The following VPS37B variants were observed in gnomAD, a reference collection of about 807,000 sequenced individuals.
The protein encoded by VPS37B is vacuolar protein sorting-associated protein 37B.
In VPS37B, 11 loss-of-function variants were observed where a neutral mutation model predicts 21.2. That is an observed-to-expected ratio of 0.52 (90% CI 0.33 to 0.86). The LOEUF (loss-of-function observed/expected upper bound fraction) is 0.86. Among genes scored for constraint, VPS37B ranks in the 40% least tolerant of loss-of-function variants. VPS37B has a pLI of 0.03. For missense variants in VPS37B, 389 were observed against 374.8 expected (o/e 1.04, Z -0.31); for synonymous variants, 175 against 159.6 (o/e 1.10, Z -0.73).
chr12:122,871,349 G>C, intron 1 of VPS37B: 2 of 1,134,986 alleles, frequency 1.8e-6, no homozygotes, highest in Non-Finnish European at 2.2e-6. Context: ...CGGCTGCGCT[G>C]TGACTTGAAT....
intron 1 of VPS37B, chr12:122,879,681 C>G (rs1396442445): frequency 1.3e-5 from 2 of 152,274 alleles, no homozygotes; most frequent in Non-Finnish European, 2.9e-5. Context: ...TACCCCATGA[C>G]ACAAAATGAC....
intron 1 of VPS37B, chr12:122,882,428 C>T (rs903321909): frequency 6.6e-6 from 1 of 152,140 alleles, no homozygotes. Flanking sequence ...AATACTAGTT[C>T]CTTTTGGTGG....
At chr12:122,890,714 G>C (rs2034399994) in intron 1 of VPS37B, among the ~76,000 whole-genome samples, 2 of 152,132 alleles carry the variant, frequency 1.3e-5, no homozygotes, top group Non-Finnish European at 2.9e-5. Flanking sequence ...GAGAACAGTT[G>C]ACAGTTCAGT....
chr12:122,892,293 C>A (rs1461380348), intron 1 of VPS37B, among the ~76,000 whole-genome samples: 2 of 152,156 alleles, frequency 1.3e-5, no homozygotes, highest in East Asian at 3.9e-4. Flanking sequence ...AAATGAGGAC[C>A]GTAGCTCCGA....
In VPS37B at chr12:122,867,348, G is replaced by A. The variant is rs774226459; in HGVS notation, c.626C>T (p.Pro209Leu). 5 of 1,599,174 alleles carry A rather than the reference G, an allele frequency of 3.1e-6. No homozygotes were observed. Among genetic ancestry groups the A allele is most frequent in the East Asian group, 2.2e-5 (1 of 44,484 alleles). ...PPAVAPRRIP[P>L]PPPPVPAGRL... Reference sequence around the variant, plus strand: ...TCCCGCAGGCACCGGGGGTGGTGGGGGGGGGATGCGCCGAGGTGCAACGGC... The same window carrying A: ...TCCCGCAGGCACCGGGGGTGGTGGGAGGGGGATGCGCCGAGGTGCAACGGC... Residue 209 changes from proline (P) to leucine (L), a missense_variant, in exon 4 of 4, where the codon CCC becomes CTC. Transcript: ENST00000267202. This position sits in a 1 kb window ranked among gnomAD's most constrained non-coding sequence, Gnocchi z 5.5.
chr12:122,879,029 T>A (rs1283375501), intron 1 of VPS37B: 1 of 152,250 alleles, frequency 6.6e-6, no homozygotes, highest in African/African-American at 2.4e-5. Flanking sequence ...GGCAGCATGA[T>A]GTGGTCACAA....
In VPS37B at chr12:122,867,300, G is replaced by T; in HGVS notation, c.674C>A (p.Ala225Glu). 2 of 1,469,400 alleles carry T rather than the reference G, an allele frequency of 1.4e-6. No individual in the cohort carries two copies. The highest frequency in any genetic ancestry group is 2.9e-5 in the East Asian group (1 of 34,226). 91.0% of individuals were successfully genotyped at this position (1,469,400 alleles called of 1,614,324 possible). ...CACGGCCTGTCCCGAACTCATGGCC[G>T]CAGTAAACGGGGTGGCTAAGCGTCC... ...PAGRLATPFT[A>E]AMSSGQAVPY... Residue 225 changes from alanine to glutamate, a missense_variant, in exon 4 of 4, where the codon GCG becomes GAG. By Grantham distance (107) the Ala-to-Glu change is moderately radical (BLOSUM62 -1). Transcript: ENST00000267202. The surrounding 1 kb of genome is among the most constrained non-coding windows in gnomAD (Gnocchi z 5.5).
At position 122,896,099 on chromosome 12, in the gene VPS37B, G is replaced by C. The variant is rs1411917110; in HGVS notation, c.-37C>G. The C allele has an allele frequency of 2.6e-6, 4 of 1,525,254 alleles. No individual in the cohort carries two copies. The African/African-American group carries it at 4.3e-5, about 16-fold the overall frequency. The allele number at this position is 1,525,254 out of a possible 1,614,324, so 94.5% of individuals were successfully genotyped here. A position where few individuals can be genotyped will look rare whatever the true frequency, so the allele number is the denominator to read the frequency against. ...GGCCGTCGTCGCCACCGCCGCTGCG[G>C]CCACCAGGCTCCGCCGACCGGAAGC... On this transcript the variant is annotated 5_prime_UTR_variant, in exon 1 of 4. Coordinates refer to ENST00000267202, the MANE Select transcript of VPS37B (RefSeq NM_024667.3).
Position 122,896,092 on chromosome 12 carries a change from C to A in VPS37B, c.-30G>T. The A allele has an allele frequency of 6.5e-7, 1 of 1,542,158 alleles. No homozygotes were observed. ...ACGTCTCGGCCGTCGTCGCCACCGC[C>A]GCTGCGGCCACCAGGCTCCGCCGAC... On this transcript the variant is annotated 5_prime_UTR_variant, in exon 1 of 4. Transcript: ENST00000267202.
intron 1 of VPS37B, chr12:122,884,868 A>T (rs1486112681): frequency 1.3e-5 from 2 of 152,206 alleles, no homozygotes; most frequent in Non-Finnish European, 2.9e-5. Context: ...ACCAGTCTTT[A>T]CACAGGTGCA....
chr12:122,889,620 G>GTTA (rs2034383529), intron 1 of VPS37B: 1 of 151,966 alleles, frequency 6.6e-6, no homozygotes, highest in Non-Finnish European at 1.5e-5. Context: ...TACTTGGGAG[G>GTTA]CTGAGGCAGG....
At chr12:122,883,003 A>G (rs1433295604) in intron 1 of VPS37B, 1 of 152,252 alleles carries the variant, frequency 6.6e-6, no homozygotes, top group East Asian at 1.9e-4. Context: ...GCAAATACAG[A>G]AATATAGTTA....
intron 1 of VPS37B, chr12:122,877,184 G>A (rs117275454): frequency 6.6e-6 from 1 of 152,102 alleles, no homozygotes; most frequent in Admixed American, 6.5e-5. Context: ...GACTGAATTC[G>A]TTTAGCAAAC....
chr12:122,895,216 A>G (rs2034473068), intron 1 of VPS37B, among the ~76,000 whole-genome samples: 1 of 151,818 alleles, frequency 6.6e-6, no homozygotes, highest in Non-Finnish European at 1.5e-5. Flanking sequence ...CCCAACCCTT[A>G]AAGAGCCTCA....
At chr12:122,885,866 G>A (rs1282422304) in intron 1 of VPS37B, 1 of 150,344 alleles carries the variant, frequency 6.7e-6, no homozygotes, top group Non-Finnish European at 1.5e-5. Flanking sequence ...TGTATTTTTA[G>A]TAGAGACGGG....
In VPS37B at chr12:122,867,211, A is replaced by G. The variant is rs1308888259; in HGVS notation, c.763T>C (p.Phe255Leu). Residue 255 changes from phenylalanine (F) to leucine (L), a missense_variant, in exon 4 of 4, where the codon TTC becomes CTC. Transcript: ENST00000267202. This position sits in a 1 kb window ranked among gnomAD's most constrained non-coding sequence, Gnocchi z 5.5. Reference sequence around the variant, plus strand: ...TATGGGGACACGAACTGCGAAGAGAATCCTTGCTGAGTGGGGAGGCCCACG... The same window carrying G: ...TATGGGGACACGAACTGCGAAGAGAGTCCTTGCTGAGTGGGGAGGCCCACG... ...PRVGLPTQQG[F>L]SSQFVSPYPP... The G allele has an allele frequency of 6.3e-7, 1 of 1,575,078 alleles. No homozygotes were observed. Among genetic ancestry groups the G allele is most frequent in the African/African-American group, 1.4e-5 (1 of 73,752 alleles).
chr12:122,885,056 A>T (rs2034301421), intron 1 of VPS37B: 1 of 152,166 alleles, frequency 6.6e-6, no homozygotes, highest in East Asian at 1.9e-4. Context: ...CTCATCTTCT[A>T]TTCCGTTTAA....
intron 1 of VPS37B, chr12:122,877,480 C>T (rs2034172034): frequency 6.6e-6 from 1 of 152,270 alleles, no homozygotes; most frequent in Non-Finnish European, 1.5e-5. Flanking sequence ...CTCCTGAGCT[C>T]AAGCGATCCT....
chr12:122,871,726 C>A, intron 1 of VPS37B: 1 of 980,564 alleles, frequency 1.0e-6, no homozygotes, highest in Middle Eastern at 5.3e-4. Flanking sequence ...TCCTTTAAAG[C>A]AATGACAGGC....
Sources: gnomAD v4.1 joint callset for allele counts (sites outside exome capture counted in the v4.1 genomes callset) on GRCh38, gnomAD v4.1.1 for gene constraint, Gnocchi (gnomAD v3.1) non-coding constraint, MANE v1.5 for transcripts, NCBI Gene and HGNC (gene_info 2026-07-23, HGNC 2026-07-21) for gene names.